The following MEGF11 variants were observed in gnomAD, a reference collection of about 807,000 sequenced individuals.
MEGF11 encodes the protein multiple EGF like domains 11, also known as multiple epidermal growth factor-like domains protein 11.
A neutral mutation model predicts 146.6 loss-of-function variants in MEGF11; 126 were observed. That is an observed-to-expected ratio of 0.86 (90% CI 0.74 to 1.00). The LOEUF (loss-of-function observed/expected upper bound fraction) is 1.00. Ranked by LOEUF, MEGF11 falls within the 50% of genes least tolerant of loss-of-function variation. MEGF11 has a pLI of 0.00. For missense variants in MEGF11, 1,509 were observed against 1,521.2 expected, an observed-to-expected ratio of 0.99 and a Z score of 0.13; for synonymous variants, 532 against 583.4, an observed-to-expected ratio of 0.91 and a Z score of 1.27.
chr15:66,122,277 C>T (rs1283061033), intron 3 of MEGF11, among the ~76,000 whole-genome samples: 1 of 150,296 alleles, frequency 6.7e-6, no homozygotes, highest in Non-Finnish European at 1.5e-5. Context: ...AAAAAAACTA[C>T]CTATGCAGAA....
chr15:66,170,389 A>G (rs190358083), intron 1 of MEGF11, among the ~76,000 whole-genome samples: 25 of 152,236 alleles, frequency 1.6e-4, no homozygotes, highest in Admixed American at 1.3e-4. Flanking sequence ...AGCATGCTCT[A>G]TTTGGGGCCA....
intron 1 of MEGF11, among the ~76,000 whole-genome samples, chr15:66,207,161 C>T (rs1213940903): frequency 6.6e-6 from 1 of 152,046 alleles, no homozygotes; most frequent in East Asian, 1.9e-4. Flanking sequence ...TGAAAACTTC[C>T]CAAATTTAAT....
chr15:65,906,231 C>T lies in MEGF11; in HGVS notation c.2999-90G>A. The T allele has an allele frequency of 5.8e-6, 5 of 866,612 alleles. 1 individual carries two copies. In the South Asian group the frequency reaches 6.3e-5, roughly 11 times the overall value. The allele number at this position is 866,612 out of a possible 1,614,324, so 53.7% of individuals were successfully genotyped here. A position where few individuals can be genotyped will look rare whatever the true frequency, so the allele number is the denominator to read the frequency against. On this transcript the variant is annotated intron_variant, in intron 23 of 25. Coordinates refer to ENST00000395614, the MANE Select transcript of MEGF11 (RefSeq NM_001385028.1). ...TCTTCTTTCTTTTCTTGCTTTTCCC[C>T]CCCCTTCTCCCCTACCCAGAAAATA...
chr15:66,162,627 G>A lies in MEGF11; in HGVS notation c.-8-34216C>T, dbSNP rs117351730. Reference sequence around the variant, plus strand: ...ACAAAACAAAACAAAAAAAACAATAGTTACCTCTGGGAGGGGAGAGGGCAT... The same window carrying A: ...ACAAAACAAAACAAAAAAAACAATAATTACCTCTGGGAGGGGAGAGGGCAT... On this transcript the variant is annotated intron_variant, in intron 1 of 25. Coordinates refer to ENST00000395614, the MANE Select transcript of MEGF11 (RefSeq NM_001385028.1). Among the ~76,000 whole-genome samples the A allele has an allele frequency of 8.0e-3, 1,222 of 152,236 alleles. 12 individuals are homozygous for A. Among genetic ancestry groups the A allele is most frequent in the Non-Finnish European group, 0.011 (765 of 68,014 alleles).
chr15:65,996,579 G>A (rs1181000710), intron 5 of MEGF11, among the ~76,000 whole-genome samples: 8 of 152,034 alleles, frequency 5.3e-5, no homozygotes, highest in African/African-American at 9.7e-5. Flanking sequence ...TCTGCCTCCC[G>A]GGTTCAAGTG....
At chr15:66,220,255 G>C (rs1455436102) in intron 1 of MEGF11, among the ~76,000 whole-genome samples, 1 of 147,624 alleles carries the variant, frequency 6.8e-6, no homozygotes, top group Non-Finnish European at 1.5e-5. Context: ...CCCACCCCCC[G>C]CCATGTGGTA....
At chr15:66,125,902 G>A (rs1422760463) in intron 2 of MEGF11, among the ~76,000 whole-genome samples, 3 of 152,138 alleles carry the variant, frequency 2.0e-5, no homozygotes, top group African/African-American at 7.2e-5. Context: ...GCTGGAGGGG[G>A]CAGTCACAGG....
At chr15:66,015,823 G>A (rs2082866365) in intron 5 of MEGF11, among the ~76,000 whole-genome samples, 2 of 149,364 alleles carry the variant, frequency 1.3e-5, no homozygotes, top group South Asian at 4.3e-4. Flanking sequence ...AGAGGACGAT[G>A]AGAAGATTCC....
At chr15:65,980,484 C>G (rs1215664825) in intron 7 of MEGF11, among the ~76,000 whole-genome samples, 1 of 137,372 alleles carries the variant, frequency 7.3e-6, no homozygotes, top group Non-Finnish European at 1.5e-5. Context: ...GCTGTGACCT[C>G]TGCCCCCTGG....
intron 5 of MEGF11, among the ~76,000 whole-genome samples, chr15:66,075,310 G>C (rs1395122101): frequency 6.6e-6 from 1 of 152,216 alleles, no homozygotes; most frequent in Non-Finnish European, 1.5e-5. Context: ...TACAGCAAGG[G>C]CTCTATGGAG....
chr15:66,146,969 C>G (rs575290773), intron 1 of MEGF11, among the ~76,000 whole-genome samples: 143 of 152,294 alleles, frequency 9.4e-4, no homozygotes, highest in Non-Finnish European at 1.6e-3. Context: ...TCACTCAGTA[C>G]CACTCCTGAA....
intron 1 of MEGF11, among the ~76,000 whole-genome samples, chr15:66,222,895 G>T (rs1251025343): frequency 4.6e-5 from 7 of 152,346 alleles, no homozygotes; most frequent in African/African-American, 1.4e-4. Context: ...TGGTGGGAAT[G>T]TAAAATGGTG....
chr15:66,120,808 C>T (rs1342912608), intron 3 of MEGF11, among the ~76,000 whole-genome samples: 1 of 152,204 alleles, frequency 6.6e-6, no homozygotes, highest in Non-Finnish European at 1.5e-5. Context: ...GGTCATCCAG[C>T]CTGTTCTCCC....
At chr15:66,162,557 A>C (rs1203570659) in intron 1 of MEGF11, among the ~76,000 whole-genome samples, 2 of 152,230 alleles carry the variant, frequency 1.3e-5, no homozygotes, top group Non-Finnish European at 2.9e-5. Context: ...CATTGGGAGA[A>C]GTTCAAGAAC....
intron 1 of MEGF11, among the ~76,000 whole-genome samples, chr15:66,170,489 G>T (rs1446075721): frequency 6.6e-6 from 1 of 152,200 alleles, no homozygotes; most frequent in Non-Finnish European, 1.5e-5. Flanking sequence ...AGCTGCGATG[G>T]GTTCAGGCCC....
intron 17 of MEGF11, 37 bp from the exon 18 acceptor site, chr15:65,916,313 C>T: frequency 1.3e-6 from 2 of 1,539,748 alleles, no homozygotes. Flanking sequence ...AGAGTTGCTG[C>T]TGGGTGGGGA....
chr15:66,030,347 C>A (rs2083473612), intron 5 of MEGF11, among the ~76,000 whole-genome samples: 2 of 152,202 alleles, frequency 1.3e-5, no homozygotes, highest in South Asian at 4.1e-4. Flanking sequence ...TGACATATCC[C>A]ATACATGTTG....
chr15:66,238,972 T>C (rs1188135261), intron 1 of MEGF11, among the ~76,000 whole-genome samples: 1 of 152,228 alleles, frequency 6.6e-6, no homozygotes, highest in Non-Finnish European at 1.5e-5. Context: ...CTCACTGCTG[T>C]ACGCCCAACA....
At chr15:66,034,041 C>T (rs994522998) in intron 5 of MEGF11, among the ~76,000 whole-genome samples, 6 of 152,376 alleles carry the variant, frequency 3.9e-5, no homozygotes, top group Non-Finnish European at 2.9e-5. Flanking sequence ...CCACCTGCCT[C>T]GGCCTCCCAA....
Sources: allele counts gnomAD v4.1 joint callset (sites outside exome capture counted in the v4.1 genomes callset), GRCh38; gene constraint gnomAD v4.1.1; transcripts MANE v1.5; gene names NCBI Gene and HGNC (gene_info 2026-07-23, HGNC 2026-07-21).